The following BICD2 variants were observed in gnomAD, a reference collection of about 807,000 sequenced individuals.
BICD2 encodes the protein BICD cargo adaptor 2.
In BICD2, 25 loss-of-function variants were observed where a neutral mutation model predicts 72.9. The ratio of observed to expected loss-of-function variants is 0.34; its 90% confidence interval spans 0.25 to 0.48. BICD2 has a LOEUF of 0.48. BICD2 is among the 20% of genes least tolerant of loss of function. The probability of loss-of-function intolerance (pLI) is 0.99; values close to 1 mark genes in which losing one functional copy is unlikely to be tolerated. For synonymous variants in BICD2, 501 were observed against 516.1 expected, an observed-to-expected ratio of 0.97 and a Z score of 0.40; for missense variants, 894 against 1,175.2, an observed-to-expected ratio of 0.76 and a Z score of 3.50.
At chr9:92,756,317 A>G (rs954383234) in intron 1 of BICD2, among the ~76,000 whole-genome samples, 3 of 150,904 alleles carry the variant, frequency 2.0e-5, no homozygotes, top group African/African-American at 7.3e-5. Context: ...GCTGGAGTGC[A>G]GTGGCACGAT....
At chr9:92,723,348 G>A (rs757206100) in intron 2 of BICD2, among the ~76,000 whole-genome samples, 2 of 152,170 alleles carry the variant, frequency 1.3e-5, no homozygotes, top group Non-Finnish European at 2.9e-5. Context: ...ACAAAATGTG[G>A]TCTCTCCACA....
rs965194796 is a variant in BICD2 at position 92,713,619 on chromosome 9, T to A, written c.*1535A>T. On this transcript the variant is annotated 3_prime_UTR_variant, in exon 7 of 7. Transcript: ENST00000356884. ...AGCAGGGGTCCCAGTGGCTTGGGTGTCTGCAAAGTCCCTTAGGAGTATGGA... is the reference window on the plus strand; with the variant it reads ...AGCAGGGGTCCCAGTGGCTTGGGTGACTGCAAAGTCCCTTAGGAGTATGGA... 245 of 1,513,002 alleles carry A rather than the reference T, an allele frequency of 1.6e-4. No individual in the cohort carries two copies. Among genetic ancestry groups the A allele is most frequent in the Non-Finnish European group, 2.2e-4 (243 of 1,125,104 alleles). The allele number at this position is 1,513,002 out of a possible 1,614,324, so 93.7% of individuals were successfully genotyped here. A position where few individuals can be genotyped will look rare whatever the true frequency, so the allele number is the denominator to read the frequency against.
chr9:92,724,393 G>T (rs1006466305), intron 2 of BICD2, among the ~76,000 whole-genome samples: 1 of 152,212 alleles, frequency 6.6e-6, no homozygotes, highest in Non-Finnish European at 1.5e-5. Context: ...ACAGAGAGGG[G>T]AGGAGAGTCA....
chr9:92,754,471 CA>C (rs1309716338), intron 1 of BICD2, among the ~76,000 whole-genome samples: 13 of 152,296 alleles, frequency 8.5e-5, no homozygotes, highest in African/African-American at 2.6e-4. Context: ...TTTACATTTT[CA>C]AAAGACACGT....
At chr9:92,737,169 C>T (rs926497872) in intron 1 of BICD2, among the ~76,000 whole-genome samples, 1 of 152,280 alleles carries the variant, frequency 6.6e-6, no homozygotes, top group African/African-American at 2.4e-5. Flanking sequence ...GCGCCAATCA[C>T]AATGTGCCTC....
intron 1 of BICD2, among the ~76,000 whole-genome samples, chr9:92,740,212 A>G (rs1587682685): frequency 6.6e-6 from 1 of 152,226 alleles, no homozygotes; most frequent in East Asian, 1.9e-4. Context: ...TAAGGAAATG[A>G]TATCACAAGA....
At chr9:92,732,074 C>T (rs1853689707) in intron 1 of BICD2, among the ~76,000 whole-genome samples, 2 of 152,240 alleles carry the variant, frequency 1.3e-5, no homozygotes, top group African/African-American at 4.8e-5. Context: ...CAGGTGAGGT[C>T]CACTGGCTGG....
Position 92,764,631 on chromosome 9 carries a change from A to G in BICD2, c.114T>C (p.Arg38=). Residue 38 remains arginine (R), a synonymous_variant, in exon 1 of 7, where the codon CGT becomes CGC. Transcript: ENST00000356884. This position sits in a 1 kb window ranked among gnomAD's most constrained non-coding sequence, Gnocchi z 5.5. Reference sequence around the variant, plus strand: ...CGTACTCGGCCGCCTGGATCTTCTCACGCGTGGTCTCGGCCAGCTCGTGGG... The same window carrying G: ...CGTACTCGGCCGCCTGGATCTTCTCGCGCGTGGTCTCGGCCAGCTCGTGGG... ...RLSHELAETT[R]EKIQAAEYGL... is the part of the protein sequence containing the mutation. 6.3e-7 allele frequency: 1 copy of G among 1,594,296 alleles called. No individual in the cohort carries two copies. The highest frequency in any genetic ancestry group is 8.5e-7 in the Non-Finnish European group (1 of 1,171,956).
intron 1 of BICD2, among the ~76,000 whole-genome samples, chr9:92,733,890 C>A (rs911332066): frequency 6.6e-6 from 1 of 152,074 alleles, no homozygotes; most frequent in Non-Finnish European, 1.5e-5. Flanking sequence ...TGGCGTGAAC[C>A]CGGGAGGCGG....
intron 1 of BICD2, among the ~76,000 whole-genome samples, chr9:92,743,154 T>C (rs1032163270): frequency 6.6e-6 from 1 of 152,182 alleles, no homozygotes; most frequent in Non-Finnish European, 1.5e-5. Flanking sequence ...GTCTATTTTT[T>C]GGTTACAGCC....
chr9:92,751,704 G>A (rs1854152878), intron 1 of BICD2, among the ~76,000 whole-genome samples: 1 of 152,034 alleles, frequency 6.6e-6, no homozygotes, highest in Admixed American at 6.5e-5. Context: ...CGTGGTAATG[G>A]ATTACAGTTC....
intron 1 of BICD2, among the ~76,000 whole-genome samples, chr9:92,732,901 A>C (rs1207073601): frequency 1.3e-5 from 2 of 152,190 alleles, no homozygotes; most frequent in African/African-American, 4.8e-5. Context: ...TAAAGTACTT[A>C]TTTTTCTTAT....
intron 1 of BICD2, among the ~76,000 whole-genome samples, chr9:92,732,722 A>ATTT (rs1166452179): frequency 1.3e-5 from 2 of 152,242 alleles, no homozygotes; most frequent in Non-Finnish European, 2.9e-5. Flanking sequence ...AACTGTTCAC[A>ATTT]AATAGAGGTG....
intron 1 of BICD2, among the ~76,000 whole-genome samples, chr9:92,760,764 C>T (rs1854355340): frequency 6.6e-6 from 1 of 152,178 alleles, no homozygotes; most frequent in Non-Finnish European, 1.5e-5. Context: ...CAACAGCAGA[C>T]CACTGCCACC....
intron 1 of BICD2, among the ~76,000 whole-genome samples, chr9:92,750,821 T>C (rs1854131409): frequency 6.6e-6 from 1 of 152,218 alleles, no homozygotes; most frequent in Non-Finnish European, 1.5e-5. Flanking sequence ...GAATGTAGAA[T>C]GTGACAAAAT....
chr9:92,755,155 T>C (rs1004715582), intron 1 of BICD2, among the ~76,000 whole-genome samples: 2 of 152,232 alleles, frequency 1.3e-5, no homozygotes, highest in African/African-American at 4.8e-5. Context: ...CTGTCTCTTA[T>C]GGTCGAGATT....
intron 1 of BICD2, among the ~76,000 whole-genome samples, chr9:92,760,826 C>A (rs1267371621): frequency 2.0e-5 from 3 of 152,246 alleles, no homozygotes; most frequent in African/African-American, 7.2e-5. Flanking sequence ...TTGCTCCCAA[C>A]AGCCTTCTGT....
At chr9:92,719,747 T>A (rs1166933253) in intron 4 of BICD2, among the ~76,000 whole-genome samples, 165 bp from the exon 5 acceptor site, 2 of 151,914 alleles carry the variant, frequency 1.3e-5, no homozygotes, top group African/African-American at 4.8e-5. Context: ...ACACACAGGG[T>A]GTGGAAAGAA....
intron 1 of BICD2, among the ~76,000 whole-genome samples, chr9:92,763,189 A>G (rs1473621397): frequency 6.6e-6 from 1 of 152,208 alleles, no homozygotes; most frequent in Non-Finnish European, 1.5e-5. Context: ...CTCTGCCCAG[A>G]CATCCAAGCA....
Sources: gnomAD v4.1 joint callset for allele counts (sites outside exome capture counted in the v4.1 genomes callset) on GRCh38, gnomAD v4.1.1 for gene constraint, Gnocchi (gnomAD v3.1) non-coding constraint, MANE v1.5 for transcripts, NCBI Gene and HGNC (gene_info 2026-07-23, HGNC 2026-07-21) for gene names.